The following NCAM2 variants were observed in gnomAD, a reference collection of about 807,000 sequenced individuals.
NCAM2 encodes N-CAM-2.
Under a neutral mutation model 98.1 loss-of-function variants are expected in NCAM2, and 30 were observed. The observed-to-expected ratio is 0.31, with a 90% CI of 0.23 to 0.41. The LOEUF (loss-of-function observed/expected upper bound fraction) is 0.41, where lower values mean the gene tolerates loss of function less well. Among genes scored for constraint, NCAM2 ranks in the 10% least tolerant of loss-of-function variants. The pLI, the probability that NCAM2 is intolerant of heterozygous loss-of-function variation, is 1.00. For missense variants in NCAM2, 867 were observed against 1,005.8 expected (o/e 0.86, Z 1.87); for synonymous variants, 368 against 342.4 (o/e 1.07, Z -0.83).
intron 1 of NCAM2, among the ~76,000 whole-genome samples, chr21:21,223,953 T>C (rs1275897266): frequency 2.0e-5 from 3 of 152,048 alleles, no homozygotes; most frequent in Admixed American, 2.0e-4. Flanking sequence ...AGATAGCCCA[T>C]ATGAAAGAGA....
At chr21:21,063,720 C>G (rs1355613458) in intron 1 of NCAM2, among the ~76,000 whole-genome samples, 1 of 151,986 alleles carries the variant, frequency 6.6e-6, no homozygotes, top group Non-Finnish European at 1.5e-5. Flanking sequence ...ATATTTAATA[C>G]ACTAATATCA....
intron 10 of NCAM2, among the ~76,000 whole-genome samples, chr21:21,413,298 A>G (rs998209589): frequency 2.0e-5 from 3 of 152,194 alleles, no homozygotes; most frequent in Non-Finnish European, 4.4e-5. Context: ...AGGGGTGCTT[A>G]CTGTTGTGTC....
chr21:21,372,383 G>A (rs899310154), intron 8 of NCAM2, among the ~76,000 whole-genome samples: 3 of 151,626 alleles, frequency 2.0e-5, no homozygotes, highest in African/African-American at 7.3e-5. Flanking sequence ...GAATAATAAT[G>A]TACAGTCAGA....
intron 1 of NCAM2, among the ~76,000 whole-genome samples, chr21:21,278,380 C>G (rs2072807540): frequency 6.6e-6 from 1 of 151,858 alleles, no homozygotes; most frequent in Non-Finnish European, 1.5e-5. Flanking sequence ...TCCACTTAAG[C>G]TAACTTCAAA....
Position 21,487,003 on chromosome 21 carries a change from C to T in NCAM2, c.2077+9532C>T, listed in dbSNP as rs184432368. Among the ~76,000 whole-genome samples the T allele has an allele frequency of 1.4e-3, 215 of 152,084 alleles. 1 individual carries two copies. The highest frequency in any genetic ancestry group is 4.0e-3 in the Admixed American group (61 of 15,250). ...ACACCTATTTCACAACTCTGAGATA[C>T]ACATAAATTCTTTTAAAAATATTCT... On this transcript the variant is annotated intron_variant, in intron 15 of 17. Coordinates refer to ENST00000400546, the MANE Select transcript of NCAM2 (RefSeq NM_004540.5).
chr21:21,406,748 A>T (rs1386575384), intron 9 of NCAM2, among the ~76,000 whole-genome samples: 2 of 152,100 alleles, frequency 1.3e-5, no homozygotes, highest in African/African-American at 4.8e-5. Flanking sequence ...TCATATTTTG[A>T]TTTGGACTTT....
At chr21:21,000,741 A>G (rs1198404794) in intron 1 of NCAM2, among the ~76,000 whole-genome samples, 11 of 152,180 alleles carry the variant, frequency 7.2e-5, no homozygotes, top group Non-Finnish European at 1.3e-4. Context: ...GTGAAAGGGA[A>G]CATATAGTAC....
intron 8 of NCAM2, among the ~76,000 whole-genome samples, chr21:21,359,531 T>C (rs1241456214): frequency 6.6e-6 from 1 of 151,964 alleles, no homozygotes; most frequent in Admixed American, 6.6e-5. Flanking sequence ...GAACTATTAT[T>C]TTGAAGTCTA....
chr21:21,212,436 C>A (rs2069692843), intron 1 of NCAM2, among the ~76,000 whole-genome samples: 1 of 152,162 alleles, frequency 6.6e-6, no homozygotes, highest in African/African-American at 2.4e-5. Flanking sequence ...TACAAAATGG[C>A]AAGAGAGATC....
intron 6 of NCAM2, among the ~76,000 whole-genome samples, chr21:21,332,255 G>T (rs1337535025): frequency 6.6e-6 from 1 of 152,072 alleles, no homozygotes; most frequent in South Asian, 2.1e-4. Context: ...GTGTTTTGGG[G>T]TGCTGAATAT....
At chr21:21,154,368 G>T (rs2067544449) in intron 1 of NCAM2, among the ~76,000 whole-genome samples, 1 of 151,812 alleles carries the variant, frequency 6.6e-6, no homozygotes, top group African/African-American at 2.4e-5. Context: ...AGCATTTAGG[G>T]AAATGGAATA....
chr21:21,484,359 T>C (rs929375453), intron 15 of NCAM2, among the ~76,000 whole-genome samples: 5 of 152,170 alleles, frequency 3.3e-5, no homozygotes, highest in African/African-American at 9.6e-5. Context: ...ACTGTCACGT[T>C]TTTTCTCTTT....
intron 1 of NCAM2, among the ~76,000 whole-genome samples, chr21:21,143,288 G>T (rs1029110872): frequency 3.9e-5 from 6 of 152,104 alleles, no homozygotes; most frequent in African/African-American, 1.4e-4. Flanking sequence ...TATGAAGTGT[G>T]TGTCAACGCA....
intron 1 of NCAM2, among the ~76,000 whole-genome samples, chr21:21,062,732 T>G (rs916356519): frequency 1.3e-5 from 2 of 152,340 alleles, no homozygotes; most frequent in Non-Finnish European, 2.9e-5. Context: ...TTTTAATTTT[T>G]ATAGTGATAA....
intron 1 of NCAM2, among the ~76,000 whole-genome samples, chr21:21,004,605 C>T (rs560055957): frequency 6.8e-4 from 104 of 152,208 alleles, no homozygotes; most frequent in African/African-American, 2.1e-3. Context: ...AGATATATAA[C>T]TTGTTCAACA....
chr21:21,223,332 T>A (rs1004326669), intron 1 of NCAM2: 2 of 152,150 alleles, frequency 1.3e-5, no homozygotes, highest in African/African-American at 4.8e-5. Context: ...ATTTTTCGGA[T>A]TTTTTCATTT....
At chr21:21,338,091 CAT>C (rs558254646) in intron 7 of NCAM2, among the ~76,000 whole-genome samples, 222 of 152,206 alleles carry the variant, frequency 1.5e-3, no homozygotes, top group African/African-American at 5.2e-3. Context: ...GAAAATAAAT[CAT>C]GAGATGACTT....
At chr21:21,513,194 T>C (rs1988502220) in intron 16 of NCAM2, among the ~76,000 whole-genome samples, 1 of 152,128 alleles carries the variant, frequency 6.6e-6, no homozygotes, top group African/African-American at 2.4e-5. Flanking sequence ...TTTTCCTGGT[T>C]CAGTATGATA....
intron 12 of NCAM2, among the ~76,000 whole-genome samples, chr21:21,444,026 C>T (rs73214497): frequency 0.21 from 31,568 of 151,794 alleles, 3,441 homozygotes; most frequent in African/African-American, 0.28. Context: ...CAATACCTAG[C>T]ATTTTTAGAG....
Sources: gnomAD v4.1 joint callset for allele counts (sites outside exome capture counted in the v4.1 genomes callset) on GRCh38, gnomAD v4.1.1 for gene constraint, MANE v1.5 for transcripts, NCBI Gene and HGNC (gene_info 2026-07-23, HGNC 2026-07-21) for gene names.